Variants in NECAB1 observed in about 807,000 individuals in gnomAD.
NECAB1 encodes the protein N-terminal EF-hand calcium-binding protein 1.
A neutral mutation model predicts 57.5 loss-of-function variants in NECAB1; 29 were observed. The ratio of observed to expected loss-of-function variants is 0.50; its 90% CI spans 0.38 to 0.69. NECAB1 has a LOEUF of 0.69. Ranked by LOEUF, NECAB1 falls within the 30% of genes least tolerant of loss-of-function variation. NECAB1 has a pLI of 0.00. For missense variants in NECAB1, 372 were observed against 413.8 expected (o/e 0.90, Z 0.88); for synonymous variants, 142 against 147.7 (o/e 0.96, Z 0.28).
At chr8:90,795,482 T>C (rs899605523) in intron 1 of NECAB1, among the ~76,000 whole-genome samples, 2 of 152,200 alleles carry the variant, frequency 1.3e-5, no homozygotes, top group African/African-American at 4.8e-5. Context: ...CACACTCATG[T>C]ACACTCTGAA....
At chr8:90,943,976 C>T (rs952975956) in intron 10 of NECAB1, among the ~76,000 whole-genome samples, 2 of 152,050 alleles carry the variant, frequency 1.3e-5, no homozygotes, top group African/African-American at 4.8e-5. Flanking sequence ...GGTCTTGAAC[C>T]CCCAGGCTCA....
At chr8:90,868,825 T>C (rs1010969842) in intron 3 of NECAB1, among the ~76,000 whole-genome samples, 4 of 152,316 alleles carry the variant, frequency 2.6e-5, no homozygotes, top group African/African-American at 9.6e-5. Flanking sequence ...CTGCAGGAAT[T>C]TGCATAAGTA....
chr8:90,849,609 T>C (rs1208809304), intron 3 of NECAB1, among the ~76,000 whole-genome samples: 1 of 149,410 alleles, frequency 6.7e-6, no homozygotes, highest in African/African-American at 2.5e-5. Context: ...ATAATTTGAA[T>C]TGTTATTTTT....
At chr8:90,952,730 A>C (rs1252934486) in intron 12 of NECAB1, among the ~76,000 whole-genome samples, 1 of 152,062 alleles carries the variant, frequency 6.6e-6, no homozygotes, top group African/African-American at 2.4e-5. Context: ...GTGAGCCAAG[A>C]TCGCACCACT....
intron 12 of NECAB1, among the ~76,000 whole-genome samples, chr8:90,952,221 G>GA (rs200527568): frequency 0.022 from 2,987 of 137,682 alleles, 82 homozygotes; most frequent in African/African-American, 0.068. Flanking sequence ...GGCCAGGGAA[G>GA]AAAAAAAAAA....
At chr8:90,944,508 T>C (rs1344990036) in intron 10 of NECAB1, among the ~76,000 whole-genome samples, 2 of 152,226 alleles carry the variant, frequency 1.3e-5, no homozygotes, top group African/African-American at 4.8e-5. Context: ...TTTGTAATCA[T>C]GAAGGCTCAT....
chr8:90,847,780 C>T (rs547252325), intron 3 of NECAB1, among the ~76,000 whole-genome samples: 9 of 152,342 alleles, frequency 5.9e-5, no homozygotes, highest in African/African-American at 2.2e-4. Flanking sequence ...TATCTTGGCC[C>T]CTTTTAGCCA....
At chr8:90,919,427 T>C (rs980067025) in intron 6 of NECAB1, among the ~76,000 whole-genome samples, 3 of 152,190 alleles carry the variant, frequency 2.0e-5, no homozygotes, top group Non-Finnish European at 2.9e-5. Context: ...ATCTCCAAAA[T>C]AGTGGAATTT....
At chr8:90,848,418 T>TC (rs1203406237) in intron 3 of NECAB1, among the ~76,000 whole-genome samples, 1 of 152,212 alleles carries the variant, frequency 6.6e-6, no homozygotes, top group East Asian at 1.9e-4. Flanking sequence ...TTCTGCCTGT[T>TC]CCCCAGTTCC....
chr8:90,843,930 G>C (rs1167848173), intron 3 of NECAB1, among the ~76,000 whole-genome samples: 2 of 152,158 alleles, frequency 1.3e-5, no homozygotes, highest in Non-Finnish European at 2.9e-5. Flanking sequence ...ATGAATGCTA[G>C]CTTGGAACCC....
intron 7 of NECAB1, among the ~76,000 whole-genome samples, chr8:90,926,651 C>T (rs1810278975): frequency 6.6e-6 from 1 of 152,166 alleles, no homozygotes; most frequent in Non-Finnish European, 1.5e-5. Context: ...TGGCCCCACT[C>T]CTCATGTAGC....
chr8:90,891,520 T>C (rs1184353993), intron 5 of NECAB1, among the ~76,000 whole-genome samples: 2 of 152,074 alleles, frequency 1.3e-5, no homozygotes, highest in African/African-American at 4.8e-5. Context: ...TTTCAACAAA[T>C]ATTACCTATT....
chr8:90,942,839 G>A (rs542418291), intron 10 of NECAB1, among the ~76,000 whole-genome samples: 79 of 152,252 alleles, frequency 5.2e-4, no homozygotes, highest in African/African-American at 1.5e-3. Context: ...CCGAGATCGC[G>A]CTACTGCACC....
chr8:90,866,427 C>CAGTGTTT (rs1016994360), intron 3 of NECAB1, among the ~76,000 whole-genome samples: 27 of 152,208 alleles, frequency 1.8e-4, no homozygotes, highest in African/African-American at 6.0e-4. Flanking sequence ...AGGGGTATAG[C>CAGTGTTT]AGTGTTTAGC....
intron 4 of NECAB1, among the ~76,000 whole-genome samples, chr8:90,876,569 C>T (rs1343574728): frequency 2.0e-5 from 3 of 151,990 alleles, no homozygotes; most frequent in Non-Finnish European, 4.4e-5. Flanking sequence ...AACTCAACAA[C>T]TTGAAAGACT....
intron 4 of NECAB1, among the ~76,000 whole-genome samples, chr8:90,875,842 T>TAAAAAAA (rs1808715384): frequency 3.7e-5 from 1 of 27,348 alleles, no homozygotes; most frequent in African/African-American, 4.4e-4. Flanking sequence ...CTACTAAAAA[T>TAAAAAAA]ACAAAAAAAA....
At chr8:90,842,430 G>A (rs1812470544) in intron 3 of NECAB1, among the ~76,000 whole-genome samples, 1 of 152,178 alleles carries the variant, frequency 6.6e-6, no homozygotes, top group African/African-American at 2.4e-5. Context: ...AGGAGTGAGG[G>A]TTGGTTAAGC....
intron 5 of NECAB1, among the ~76,000 whole-genome samples, chr8:90,902,765 G>A (rs1473937760): frequency 1.3e-5 from 2 of 152,016 alleles, no homozygotes; most frequent in Non-Finnish European, 2.9e-5. Context: ...CTACCTGTAG[G>A]AGGGCAAACT....
intron 3 of NECAB1, among the ~76,000 whole-genome samples, chr8:90,847,962 G>A (rs145438868): frequency 2.9e-3 from 442 of 152,362 alleles, no homozygotes; most frequent in Non-Finnish European, 3.8e-3. Context: ...CATTGTCTTG[G>A]TGATTAACAT....
Sources: gnomAD v4.1 joint callset for allele counts (sites outside exome capture counted in the v4.1 genomes callset) on GRCh38, gnomAD v4.1.1 for gene constraint, MANE v1.5 for transcripts, NCBI Gene and HGNC (gene_info 2026-07-23, HGNC 2026-07-21) for gene names.